The following GFRA1 variants were observed in gnomAD, a reference collection of about 807,000 sequenced individuals.
The protein encoded by GFRA1 is GDNF family receptor alpha-1.
A neutral mutation model predicts 51.6 loss-of-function variants in GFRA1; 16 were observed. That is an observed-to-expected ratio of 0.31 (90% CI 0.21 to 0.47). GFRA1 has a LOEUF of 0.47. GFRA1 is among the 20% of genes least tolerant of loss of function. The pLI is 1.00. For synonymous variants in GFRA1, 270 were observed against 241.3 expected, an observed-to-expected ratio of 1.12 and a Z score of -1.10; for missense variants, 530 against 594.3, an observed-to-expected ratio of 0.89 and a Z score of 1.13.
chr10:116,084,515 C>T lies in GFRA1; in HGVS notation c.1197+5226G>A, dbSNP rs138997579. ...GCCCTGGGGCTGAGCGTGTGCCCCACGGTCTGTCACGCATTTCCAGGGGCA... is the reference window on the plus strand; with the variant it reads ...GCCCTGGGGCTGAGCGTGTGCCCCATGGTCTGTCACGCATTTCCAGGGGCA... On this transcript the variant is annotated intron_variant, in intron 9 of 10. Coordinates refer to ENST00000355422, the MANE Select transcript of GFRA1 (RefSeq NM_005264.8). 8.9e-4 allele frequency among the ~76,000 whole-genome samples: 135 copies of T among 152,270 alleles called. 1 individual carries two copies. Among genetic ancestry groups the T allele is most frequent in the African/African-American group, 3.0e-3 (123 of 41,560 alleles).
intron 4 of GFRA1, among the ~76,000 whole-genome samples, chr10:116,264,377 A>G (rs1015997687): frequency 4.1e-5 from 6 of 146,628 alleles, no homozygotes; most frequent in Non-Finnish European, 3.0e-5. Flanking sequence ...CTAACATTCA[A>G]CCACTCGTGA....
chr10:116,255,756 G>T, intron 4 of GFRA1: 3 of 1,286,686 alleles, frequency 2.3e-6, no homozygotes, highest in Non-Finnish European at 3.0e-6. Flanking sequence ...ATTGCACTCT[G>T]CACTTTCTGG....
intron 5 of GFRA1, among the ~76,000 whole-genome samples, chr10:116,170,937 C>A (rs969491073): frequency 6.6e-6 from 1 of 152,192 alleles, no homozygotes; most frequent in African/African-American, 2.4e-5. Context: ...CAGGACACAT[C>A]ATCCTTTTGC....
At chr10:116,246,197 T>C (rs1431236543) in intron 4 of GFRA1, among the ~76,000 whole-genome samples, 1 of 152,150 alleles carries the variant, frequency 6.6e-6, no homozygotes, top group Non-Finnish European at 1.5e-5. Flanking sequence ...CCCAGCACTT[T>C]GGGAGGCCCA....
chr10:116,093,412 G>T (rs1471811798), intron 8 of GFRA1, among the ~76,000 whole-genome samples: 1 of 152,206 alleles, frequency 6.6e-6, no homozygotes, highest in African/African-American at 2.4e-5. Flanking sequence ...TTAGTTATTT[G>T]AATCTCTTGC....
At chr10:116,172,882 T>C (rs1198280571) in intron 5 of GFRA1, among the ~76,000 whole-genome samples, 2 of 151,786 alleles carry the variant, frequency 1.3e-5, no homozygotes, top group Non-Finnish European at 2.9e-5. Context: ...CATGGGGAGG[T>C]AGGTCTAAGA....
intron 3 of GFRA1, 53 bp downstream of exon 3, chr10:116,270,769 C>G (rs545967508): frequency 6.6e-7 from 1 of 1,510,050 alleles, no homozygotes; most frequent in South Asian, 1.2e-5. Flanking sequence ...GACGAAAGGC[C>G]CGCCTGCCTT....
At chr10:116,137,403 T>G (rs560534111) in intron 5 of GFRA1, among the ~76,000 whole-genome samples, 20 of 152,278 alleles carry the variant, frequency 1.3e-4, no homozygotes, top group Admixed American at 3.9e-4. Flanking sequence ...GGTCTTTATT[T>G]TTAGTTAAAG....
At chr10:116,070,189 G>C (rs1446422144) in intron 9 of GFRA1, among the ~76,000 whole-genome samples, 1 of 152,144 alleles carries the variant, frequency 6.6e-6, no homozygotes, top group Non-Finnish European at 1.5e-5. Flanking sequence ...TTACTGATTA[G>C]AGAGATTTGC....
chr10:116,231,734 T>C (rs1419729444), intron 4 of GFRA1, among the ~76,000 whole-genome samples: 1 of 152,228 alleles, frequency 6.6e-6, no homozygotes, highest in African/African-American at 2.4e-5. Context: ...AGAAAAATAA[T>C]CTGTTGTAAT....
Position 116,271,994 on chromosome 10 carries a change from G to C in GFRA1, c.36C>G (p.Leu12=), listed in dbSNP as rs1431885205. ...CCGCGGCGGGCCTCGACTTACCCAA[G>C]AGCGGCAGCGCGAAGTACAGGGTCG... is the stretch of plus-strand genomic sequence containing the variant. ...FLATLYFALP[L]LDLLLSAEVS... is the part of the protein sequence containing the mutation. Residue 12 remains leucine (L), a synonymous_variant, in exon 2 of 11, where the codon CTC becomes CTG. Coordinates refer to ENST00000355422, the MANE Select transcript of GFRA1 (RefSeq NM_005264.8). 4.5e-6 allele frequency: 7 copies of C among 1,556,184 alleles called. No homozygotes were observed. Among genetic ancestry groups the C allele is most frequent in the Non-Finnish European group, 6.1e-6 (7 of 1,150,396 alleles).
intron 5 of GFRA1, among the ~76,000 whole-genome samples, chr10:116,172,061 G>T (rs1346879163): frequency 6.6e-6 from 1 of 152,074 alleles, no homozygotes. Context: ...TCCTTCCACG[G>T]TGTTTACCCT....
chr10:116,121,327 T>A (rs1957633159), intron 6 of GFRA1, among the ~76,000 whole-genome samples: 1 of 152,144 alleles, frequency 6.6e-6, no homozygotes, highest in Non-Finnish European at 1.5e-5. Flanking sequence ...TGAAATTCCA[T>A]CACACCCTTC....
At position 116,064,538 on chromosome 10, in the gene GFRA1, A is replaced by C; in HGVS notation, c.1258T>G (p.Tyr420Asp). The change falls in exon 11 of 11, where the codon TAT (tyrosine) becomes GAT (aspartate). Residue 420 changes from tyrosine (Y) to aspartate (D), a missense_variant. By Grantham distance (160) the Tyr-to-Asp change is radical. Coordinates refer to ENST00000355422, the MANE Select transcript of GFRA1 (RefSeq NM_005264.8). The part of the protein sequence containing the change: ...NTHLCISNGN[Y>D]EKEGLGASSH... ...GAAGCACCGAGACCTTCTTTTTCAT[A>C]ATTACCCTGTAAGGAAGAATGGTTT... 5 of 1,612,004 alleles carry C rather than the reference A, an allele frequency of 3.1e-6. No individual in the cohort carries two copies. Among genetic ancestry groups the C allele is most frequent in the Non-Finnish European group, 4.2e-6 (5 of 1,178,356 alleles).
intron 4 of GFRA1, among the ~76,000 whole-genome samples, chr10:116,217,713 G>A (rs1277500537): frequency 6.6e-6 from 1 of 152,136 alleles, no homozygotes; most frequent in Non-Finnish European, 1.5e-5. Context: ...GTGATCTTGG[G>A]CAAGTTATTT....
chr10:116,138,517 A>T lies in GFRA1; in HGVS notation c.434-12960T>A, dbSNP rs144472195. Among the ~76,000 whole-genome samples the T allele has an allele frequency of 3.6e-3, 542 of 152,232 alleles. 2 individuals are homozygous for T. The highest frequency in any genetic ancestry group is 0.013 in the African/African-American group (531 of 41,532). The stretch of plus-strand genomic sequence containing the variant: ...ATTCCATGAAGATCTTGTTGACAGG[A>T]AGGTTTTCTTTGCCCATGTTTCACG... On this transcript the variant is annotated intron_variant, in intron 5 of 10. Coordinates refer to ENST00000355422, the MANE Select transcript of GFRA1 (RefSeq NM_005264.8).
At chr10:116,103,426 T>C (rs1956891450) in intron 6 of GFRA1, among the ~76,000 whole-genome samples, 1 of 152,210 alleles carries the variant, frequency 6.6e-6, no homozygotes, top group Admixed American at 6.5e-5. Context: ...TATTACATAC[T>C]TTCAACATGC....
rs1405550047 is a variant in GFRA1, at chr10:116,255,536, G to A, written c.418+13967C>T. On this transcript the variant is annotated intron_variant, in intron 4 of 10. Transcript: ENST00000355422. ...AAAAAAAACACTAGGTTTCCACCAT[G>A]TTCACATCCACTCAACACAGGACTA... The A allele has an allele frequency of 1.0e-5, 11 of 1,090,840 alleles. 1 individual carries two copies. In the East Asian group the frequency reaches 6.7e-4, roughly 67 times the overall value. The allele number at this position is 1,090,840 out of a possible 1,614,324, so 67.6% of individuals were successfully genotyped here. A position where few individuals can be genotyped will look rare whatever the true frequency, so the allele number is the denominator to read the frequency against.
chr10:116,246,298 G>T (rs140447951), intron 4 of GFRA1, among the ~76,000 whole-genome samples: 12 of 152,110 alleles, frequency 7.9e-5, no homozygotes, highest in Non-Finnish European at 1.8e-4. Flanking sequence ...AGGCATGGTG[G>T]TGGGCACCTG....
Sources: gnomAD v4.1 joint callset for allele counts (sites outside exome capture counted in the v4.1 genomes callset) on GRCh38, gnomAD v4.1.1 for gene constraint, MANE v1.5 for transcripts, NCBI Gene and HGNC (gene_info 2026-07-23, HGNC 2026-07-21) for gene names.